Variants in BASP1 observed in about 807,000 individuals in gnomAD.
BASP1 encodes the protein brain acid soluble protein 1.
Under a neutral mutation model 2.2 loss-of-function variants are expected in BASP1, and 1 was observed. The observed-to-expected ratio is 0.46, with a 90% CI of 0.16 to 2.17. The LOEUF is 2.17. Among genes scored for constraint, BASP1 ranks in the 30% most tolerant of loss-of-function variants. The pLI, the probability that BASP1 is intolerant of heterozygous loss-of-function variation, is 0.27. For missense variants in BASP1, 352 were observed against 327.2 expected, an observed-to-expected ratio of 1.08 and a Z score of -0.58; for synonymous variants, 187 against 154.2, an observed-to-expected ratio of 1.21 and a Z score of -1.58.
intron 1 of BASP1, among the ~76,000 whole-genome samples, chr5:17,269,073 G>T (rs746876835): frequency 5.3e-5 from 8 of 152,136 alleles, no homozygotes; most frequent in Non-Finnish European, 1.0e-4. Context: ...CTAAAGTGTA[G>T]TTGTCTCTGA....
At chr5:17,266,777 G>C (rs948774279) in intron 1 of BASP1, among the ~76,000 whole-genome samples, 1 of 139,108 alleles carries the variant, frequency 7.2e-6, no homozygotes, top group South Asian at 2.3e-4. Flanking sequence ...GCGCCACTGC[G>C]CTCCAGCCTG....
intron 1 of BASP1, among the ~76,000 whole-genome samples, chr5:17,274,748 GAC>G: frequency 6.6e-6 from 1 of 152,290 alleles, no homozygotes; most frequent in African/African-American, 2.4e-5. Context: ...TTCTTTTCGT[GAC>G]ACATTGTTTT....
In BASP1 at chr5:17,238,848, T is replaced by A. The variant is rs936062926; in HGVS notation, c.-10+21038T>A. 3.3e-5 allele frequency among the ~76,000 whole-genome samples: 5 copies of A among 150,840 alleles called. No individual in the cohort carries two copies. The South Asian group carries it at 6.2e-4, about 19-fold the overall frequency. Reference sequence around the variant, plus strand: ...GTTCTTTTTGAGTGTCAGTTATTAATCATCTGTTTTCCGTTCAACTTTGGT... The same window carrying A: ...GTTCTTTTTGAGTGTCAGTTATTAAACATCTGTTTTCCGTTCAACTTTGGT... On this transcript the variant is annotated intron_variant, in intron 1 of 1. Coordinates refer to ENST00000322611, the MANE Select transcript of BASP1 (RefSeq NM_006317.5).
At position 17,275,606 on chromosome 5, in the gene BASP1, C is replaced by T. The variant is rs777161157; in HGVS notation, c.390C>T (p.Ala130=). The change falls in exon 2 of 2, where the codon GCC becomes GCT. Residue 130 remains alanine, a synonymous_variant. Transcript: ENST00000322611. The surrounding 1 kb of genome is among the most constrained non-coding windows in gnomAD (Gnocchi z 5.3). ...PKAAEAAAAP[A]ESAAPAAGEE... Reference sequence around the variant, plus strand: ...CTGCTGAGGCCGCCGCGGCCCCGGCCGAGAGCGCGGCCCCTGCCGCCGGGG... The same window carrying T: ...CTGCTGAGGCCGCCGCGGCCCCGGCTGAGAGCGCGGCCCCTGCCGCCGGGG... The T allele has an allele frequency of 2.8e-6, 4 of 1,425,730 alleles. No homozygotes were observed. The highest frequency in any genetic ancestry group is 3.7e-6 in the Non-Finnish European group (4 of 1,093,088). The allele number at this position is 1,425,730 out of a possible 1,614,324, so 88.3% of individuals were successfully genotyped here.
At chr5:17,245,760 G>A (rs867207726) in intron 1 of BASP1, among the ~76,000 whole-genome samples, 4 of 151,934 alleles carry the variant, frequency 2.6e-5, no homozygotes, top group Non-Finnish European at 5.9e-5. Context: ...AATGGAGAAA[G>A]GGATAAAAGA....
intron 1 of BASP1, among the ~76,000 whole-genome samples, chr5:17,221,896 C>T (rs928150375): frequency 3.3e-5 from 5 of 151,930 alleles, no homozygotes. Context: ...TCTAATAATT[C>T]CTATTTTGGG....
chr5:17,263,417 G>A (rs1037922657), intron 1 of BASP1, among the ~76,000 whole-genome samples: 1 of 152,158 alleles, frequency 6.6e-6, no homozygotes, highest in Admixed American at 6.5e-5. Flanking sequence ...TTACAGGCAT[G>A]AGCCACTGCA....
At chr5:17,243,090 C>T (rs1441254053) in intron 1 of BASP1, among the ~76,000 whole-genome samples, 1 of 151,452 alleles carries the variant, frequency 6.6e-6, no homozygotes, top group African/African-American at 2.4e-5. Flanking sequence ...AGCAAGTTGA[C>T]ATGCTAACAT....
At chr5:17,263,780 A>T (rs1047604055) in intron 1 of BASP1, among the ~76,000 whole-genome samples, 2 of 152,194 alleles carry the variant, frequency 1.3e-5, no homozygotes, top group African/African-American at 4.8e-5. Context: ...TACAGTGAGG[A>T]ACATTTTTAT....
At chr5:17,238,555 G>T (rs1739794225) in intron 1 of BASP1, among the ~76,000 whole-genome samples, 1 of 152,160 alleles carries the variant, frequency 6.6e-6, no homozygotes, top group South Asian at 2.1e-4. Context: ...GGATAAAAAT[G>T]CTCGCCTGAT....
intron 1 of BASP1, among the ~76,000 whole-genome samples, chr5:17,245,042 G>C (rs181975024): frequency 6.8e-6 from 1 of 147,402 alleles, no homozygotes; most frequent in Non-Finnish European, 1.5e-5. Context: ...AGTGGCTCAC[G>C]CCTGTAATCC....
chr5:17,229,638 A>T (rs189231084), intron 1 of BASP1, among the ~76,000 whole-genome samples: 1 of 152,196 alleles, frequency 6.6e-6, no homozygotes, highest in Non-Finnish European at 1.5e-5. Context: ...ACCCGCATTA[A>T]CACAAGTTGG....
intron 1 of BASP1, among the ~76,000 whole-genome samples, chr5:17,219,716 C>G (rs1579477076): frequency 1.3e-5 from 2 of 152,166 alleles, no homozygotes; most frequent in African/African-American, 2.4e-5. Flanking sequence ...AACAAGATGG[C>G]CTACAAAAAC....
At chr5:17,248,151 C>T (rs1740031793) in intron 1 of BASP1, among the ~76,000 whole-genome samples, 1 of 152,160 alleles carries the variant, frequency 6.6e-6, no homozygotes, top group Admixed American at 6.5e-5. Flanking sequence ...TGTAGTCAGT[C>T]ACATTGTCAG....
At chr5:17,243,621 T>C (rs965008489) in intron 1 of BASP1, among the ~76,000 whole-genome samples, 1 of 152,198 alleles carries the variant, frequency 6.6e-6, no homozygotes, top group Non-Finnish European at 1.5e-5. Flanking sequence ...TAGATCTCTG[T>C]TTCCTTTATA....
At chr5:17,216,873 C>T (rs1312961824), upstream of BASP1, 1 of 152,492 alleles carries the variant, frequency 6.6e-6, no homozygotes, top group Non-Finnish European at 1.5e-5. The surrounding 1 kb of genome is among the most constrained non-coding windows in gnomAD (Gnocchi z 6.4). Flanking sequence ...AGCTGGGGCT[C>T]ACCCCAACCT....
intron 1 of BASP1, among the ~76,000 whole-genome samples, chr5:17,262,963 C>T (rs1359055444): frequency 6.6e-6 from 1 of 152,096 alleles, no homozygotes; most frequent in Non-Finnish European, 1.5e-5. Context: ...TCTCCTGCCT[C>T]AGCCTCCCGA....
In BASP1 at chr5:17,247,007, C is replaced by T. The variant is rs142673034; in HGVS notation, c.-9-28201C>T. Among the ~76,000 whole-genome samples the T allele has an allele frequency of 7.7e-3, 1,171 of 152,084 alleles. 12 individuals are homozygous for T. Among genetic ancestry groups the T allele is most frequent in the Middle Eastern group, 0.041 (12 of 294 alleles). The stretch of plus-strand genomic sequence containing the variant: ...TTGAAGACCAGTCTGGGTAACATGG[C>T]GAAACCCTGTGTCTACAAAAAATAC... On this transcript the variant is annotated intron_variant, in intron 1 of 1. Coordinates refer to ENST00000322611, the MANE Select transcript of BASP1 (RefSeq NM_006317.5).
At chr5:17,237,020 C>A (rs963605531) in intron 1 of BASP1, among the ~76,000 whole-genome samples, 5 of 151,998 alleles carry the variant, frequency 3.3e-5, no homozygotes, top group Non-Finnish European at 7.4e-5. Context: ...TAGTAAACAA[C>A]CAAGAATTCT....
Sources: allele counts gnomAD v4.1 joint callset (sites outside exome capture counted in the v4.1 genomes callset), GRCh38; gene constraint gnomAD v4.1.1; non-coding constraint Gnocchi (gnomAD v3.1); transcripts MANE v1.5; gene names NCBI Gene and HGNC (gene_info 2026-07-23, HGNC 2026-07-21).